The following EXOC1 variants were observed in gnomAD, a reference collection of about 807,000 sequenced individuals.
EXOC1 encodes the protein SEC3-like 1.
EXOC1 carries 67 observed loss-of-function variants against 107.7 expected under a neutral mutation model. The observed-to-expected ratio is 0.62, with a 90% CI of 0.51 to 0.76. The LOEUF is 0.76. Ranked by LOEUF, EXOC1 falls within the 30% of genes least tolerant of loss-of-function variation. The pLI is 0.00. For synonymous variants in EXOC1, 348 were observed against 353.5 expected (o/e 0.98, Z 0.17); for missense variants, 833 against 1,055.7 (o/e 0.79, Z 2.92).
chr4:55,886,586 A>C (rs983522378), intron 10 of EXOC1, among the ~76,000 whole-genome samples: 22 of 151,834 alleles, frequency 1.4e-4, no homozygotes, highest in Admixed American at 7.2e-4. Flanking sequence ...AAAAAAAAAA[A>C]AAACAAGAAA....
chr4:55,884,792 G>C (rs1467548172), intron 10 of EXOC1, among the ~76,000 whole-genome samples: 1 of 152,156 alleles, frequency 6.6e-6, no homozygotes, highest in African/African-American at 2.4e-5. Flanking sequence ...AGCAACTTCA[G>C]TAATCAAGAA....
At position 55,904,358 on chromosome 4, in the gene EXOC1, A is replaced by C. The variant is rs1175507128; in HGVS notation, c.2548A>C (p.Met850Leu). 1 of 1,608,896 alleles carries C rather than the reference A, an allele frequency of 6.2e-7. No individual in the cohort carries two copies. The highest frequency in any genetic ancestry group is 8.5e-7 in the Non-Finnish European group (1 of 1,178,542). Residue 850 changes from methionine to leucine, a missense_variant, in exon 19 of 19, where the codon ATG becomes CTG. Transcript: ENST00000381295. Reference sequence around the variant, plus strand: ...TTAATAATAGGTGGTGTGGCACTCCATGCAAGATGAATTTATACGCCAGTA... The same window carrying C: ...TTAATAATAGGTGGTGTGGCACTCCCTGCAAGATGAATTTATACGCCAGTA... ...ENLLQVVWHS[M>L]QDEFIRQYKH...
At chr4:55,893,524 T>G in intron 14 of EXOC1, 28 bp from the exon 15 acceptor site, 1 of 1,597,616 alleles carries the variant, frequency 6.3e-7, no homozygotes, top group South Asian at 1.1e-5. Context: ...TGTTATAACT[T>G]TATACTTCTT....
chr4:55,870,028 A>G (rs543732598), intron 5 of EXOC1, among the ~76,000 whole-genome samples: 50 of 152,026 alleles, frequency 3.3e-4, no homozygotes, highest in African/African-American at 1.1e-3. Flanking sequence ...TGATAAGGGG[A>G]TGGTGGTTTG....
chr4:55,855,774 T>C (rs1225665924), intron 1 of EXOC1, among the ~76,000 whole-genome samples: 6 of 151,934 alleles, frequency 3.9e-5, no homozygotes, highest in Non-Finnish European at 1.5e-5. Flanking sequence ...AGCCCAGAGA[T>C]AGAAAAGTAA....
rs1725250045 is a variant in EXOC1, at chr4:55,896,703, C to T, written c.1954-14C>T. ...CTTGGTTATTTATCTCCCTTGCTCT[C>T]TGCCTAACTTTAGAGTAACCAAATA... On this transcript the variant is annotated splice_polypyrimidine_tract_variant and intron_variant, in intron 15 of 18. Transcript: ENST00000381295. 2.5e-6 allele frequency: 4 copies of T among 1,583,652 alleles called. No individual in the cohort carries two copies. The highest frequency in any genetic ancestry group is 3.4e-6 in the Non-Finnish European group (4 of 1,170,540).
chr4:55,893,809 T>G (rs915335834), intron 15 of EXOC1, 29 bp downstream of exon 15: 1 of 1,556,568 alleles, frequency 6.4e-7, no homozygotes, highest in African/African-American at 1.4e-5. Context: ...AAAAATACCT[T>G]AGCATCCTAG....
intron 1 of EXOC1, among the ~76,000 whole-genome samples, chr4:55,856,664 C>A (rs1205032325): frequency 6.6e-6 from 1 of 152,056 alleles, no homozygotes; most frequent in Non-Finnish European, 1.5e-5. Flanking sequence ...TGAAATACTA[C>A]ACATTTGCAT....
intron 1 of EXOC1, 146 bp from the exon 2 acceptor site, chr4:55,858,168 G>A (rs1182356585): frequency 5.3e-5 from 32 of 606,858 alleles, no homozygotes; most frequent in Non-Finnish European, 6.6e-5. Flanking sequence ...TTACAGCTTT[G>A]TATTTTTGTG....
In EXOC1 at chr4:55,871,184, C is replaced by T. The variant is rs1186600721; in HGVS notation, c.915C>T (p.Thr305=). The change falls in exon 7 of 19, where the codon ACC becomes ACT. Residue 305 remains threonine (T), a synonymous_variant. Coordinates refer to ENST00000381295, the MANE Select transcript of EXOC1 (RefSeq NM_001024924.2). ...LASSRGIEAC[T]NAADALLQCM... is the part of the protein sequence containing the mutation. The stretch of plus-strand genomic sequence containing the variant: ...CTTCCAGAGGCATTGAGGCCTGCAC[C>T]AATGCTGCTGATGCCCTTCTGCAGT... 1 of 1,613,860 alleles carries T rather than the reference C, an allele frequency of 6.2e-7. No homozygotes were observed. Among genetic ancestry groups the T allele is most frequent in the Non-Finnish European group, 8.5e-7 (1 of 1,179,884 alleles).
In EXOC1 at chr4:55,899,654, T is replaced by C. The variant is rs375345462; in HGVS notation, c.2138-31T>C. 53 of 1,574,252 alleles carry C rather than the reference T, an allele frequency of 3.4e-5. No individual in the cohort carries two copies. The African/African-American group carries it at 6.0e-4, about 18-fold the overall frequency. ...AGCTAAATATGGTCATACTCAGAGA[T>C]GTTATTTTATTTTTTCTGTTTTGGT... On this transcript the variant is annotated intron_variant, in intron 16 of 18. Transcript: ENST00000381295.
chr4:55,903,162 AAAG>A (rs1244563189), intron 18 of EXOC1, among the ~76,000 whole-genome samples: 8 of 85,242 alleles, frequency 9.4e-5, no homozygotes, highest in African/African-American at 1.9e-4. Context: ...AAAAAAAAAA[AAAG>A]AAAGAAAGAA....
intron 1 of EXOC1, among the ~76,000 whole-genome samples, chr4:55,856,215 A>T (rs1464050346): frequency 6.6e-6 from 1 of 152,366 alleles, no homozygotes; most frequent in African/African-American, 2.4e-5. Flanking sequence ...TGGTAGTCCA[A>T]GAGAAGTGAA....
chr4:55,872,824 T>G, intron 8 of EXOC1: 1 of 971,580 alleles, frequency 1.0e-6, no homozygotes, highest in Non-Finnish European at 1.2e-6. Flanking sequence ...TACATCAAAT[T>G]TGGCTCAAGC....
intron 10 of EXOC1, among the ~76,000 whole-genome samples, chr4:55,886,510 G>A (rs1330367907): frequency 6.8e-6 from 1 of 147,484 alleles, no homozygotes. Flanking sequence ...CCATGATTGT[G>A]CCACTACACT....
chr4:55,867,502 C>A (rs1722060070), intron 4 of EXOC1, among the ~76,000 whole-genome samples: 1 of 150,294 alleles, frequency 6.7e-6, no homozygotes, highest in South Asian at 2.1e-4. Flanking sequence ...AAAATGATTT[C>A]TTTCATTTTA....
chr4:55,878,695 A>G (rs1723115713), intron 9 of EXOC1, among the ~76,000 whole-genome samples: 1 of 152,218 alleles, frequency 6.6e-6, no homozygotes, highest in Non-Finnish European at 1.5e-5. Context: ...TAAATAAACC[A>G]GAAATAAGAG....
At chr4:55,869,722 C>T (rs181140223) in intron 5 of EXOC1, among the ~76,000 whole-genome samples, 1 of 152,314 alleles carries the variant, frequency 6.6e-6, no homozygotes, top group East Asian at 1.9e-4. Context: ...CTGAACCCTT[C>T]TGACTCTTAA....
chr4:55,890,162 T>A (rs567792494), intron 11 of EXOC1, 61 bp from the exon 12 acceptor site: 1 of 1,534,928 alleles, frequency 6.5e-7, no homozygotes, highest in South Asian at 1.1e-5. Context: ...CTATCCCTGC[T>A]TTATACTTTG....
Sources: allele counts gnomAD v4.1 joint callset (sites outside exome capture counted in the v4.1 genomes callset), GRCh38; gene constraint gnomAD v4.1.1; transcripts MANE v1.5; gene names NCBI Gene and HGNC (gene_info 2026-07-23, HGNC 2026-07-21).